SETBP1: variants seen among roughly 807,000 people sequenced by gnomAD.
SETBP1 encodes SET-binding protein.
In SETBP1, 9 loss-of-function variants were observed where a neutral mutation model predicts 101.0. That is an observed-to-expected ratio of 0.09 (90% confidence interval 0.05 to 0.16). The LOEUF is 0.16. SETBP1 is among the 10% of genes least tolerant of loss of function. The pLI is 1.00. For missense variants in SETBP1, 1,858 were observed against 2,033.8 expected, an observed-to-expected ratio of 0.91 and a Z score of 1.66; for synonymous variants, 818 against 788.5, an observed-to-expected ratio of 1.04 and a Z score of -0.63.
chr18:44,886,896 T>C (rs1396293625), intron 3 of SETBP1, among the ~76,000 whole-genome samples: 1 of 152,038 alleles, frequency 6.6e-6, no homozygotes, highest in African/African-American at 2.4e-5. Context: ...GACGAATTCC[T>C]AGCAAAAGGT....
chr18:45,034,396 G>A (rs1056115502), intron 4 of SETBP1, among the ~76,000 whole-genome samples: 1 of 152,124 alleles, frequency 6.6e-6, no homozygotes, highest in Non-Finnish European at 1.5e-5. Context: ...CGAAGGAGCA[G>A]GAATCCATAA....
At chr18:44,940,652 C>T (rs622284) in intron 3 of SETBP1, among the ~76,000 whole-genome samples, 42,728 of 152,086 alleles carry the variant, frequency 0.28, 6,215 homozygotes, top group Middle Eastern at 0.34. Flanking sequence ...TCTATATGTA[C>T]GCTCTTATTC....
chr18:44,946,032 C>T (rs1291139204), intron 3 of SETBP1, among the ~76,000 whole-genome samples: 1 of 152,234 alleles, frequency 6.6e-6, no homozygotes, highest in East Asian at 1.9e-4. Flanking sequence ...TCATGGCTGA[C>T]AGATGAAGCG....
At chr18:44,978,629 C>G (rs930661456) in intron 4 of SETBP1, among the ~76,000 whole-genome samples, 2 of 152,304 alleles carry the variant, frequency 1.3e-5, no homozygotes, top group Non-Finnish European at 2.9e-5. Flanking sequence ...AATGAGGGCT[C>G]TTACTGAATG....
rs1233895904 is a variant in SETBP1, at chr18:45,063,548, C to T, written c.4641C>T (p.Thr1547=). The T allele has an allele frequency of 1.4e-6, 2 of 1,471,194 alleles. No individual in the cohort carries two copies. The highest frequency in any genetic ancestry group is 1.3e-5 in the South Asian group (1 of 77,916). The allele number at this position is 1,471,194 out of a possible 1,614,324, so 91.1% of individuals were successfully genotyped here. ...PLPPPPPLPK[T]PRGGKRKHKP... ...CCCCGCCACCCCCTCTACCCAAGAC[C>T]CCCCGAGGCGGAAAGAGGAAACACA... Residue 1547 remains threonine (T), a synonymous_variant, in exon 6 of 6, where the codon ACC becomes ACT. Coordinates refer to ENST00000649279, the MANE Select transcript of SETBP1 (RefSeq NM_015559.3).
intron 2 of SETBP1, among the ~76,000 whole-genome samples, chr18:44,804,525 A>G (rs2071685414): frequency 6.6e-6 from 1 of 152,148 alleles, no homozygotes; most frequent in Admixed American, 6.5e-5. Flanking sequence ...CTTATTTTGC[A>G]AGATTTGGTT....
intron 5 of SETBP1, among the ~76,000 whole-genome samples, chr18:45,039,191 C>T (rs979222210): frequency 1.3e-5 from 2 of 152,166 alleles, no homozygotes; most frequent in African/African-American, 4.8e-5. Context: ...TCGGTACCTT[C>T]TACCCATGAA....
At chr18:44,927,022 T>C (rs1474826043) in intron 3 of SETBP1, among the ~76,000 whole-genome samples, 2 of 152,154 alleles carry the variant, frequency 1.3e-5, no homozygotes, top group African/African-American at 4.8e-5. Flanking sequence ...GAGGGGTAGC[T>C]TGAGATTGGA....
intron 5 of SETBP1, among the ~76,000 whole-genome samples, chr18:45,053,350 GA>G (rs1248886951): frequency 6.6e-6 from 1 of 152,148 alleles, no homozygotes; most frequent in Non-Finnish European, 1.5e-5. Context: ...GAATTCATCT[GA>G]TAGGAAACAC....
chr18:44,789,944 A>G (rs886837118), intron 2 of SETBP1, among the ~76,000 whole-genome samples: 5 of 152,214 alleles, frequency 3.3e-5, no homozygotes, highest in Admixed American at 2.6e-4. Context: ...TCATTGTGTG[A>G]CAAGCTGTGT....
intron 4 of SETBP1, chr18:44,988,724 A>T (rs1051939540): frequency 6.6e-6 from 1 of 152,154 alleles, no homozygotes; most frequent in Non-Finnish European, 1.5e-5. Flanking sequence ...CCTTTCAAAG[A>T]GTGTATTTTA....
At chr18:44,705,518 G>C (rs936823419) in intron 2 of SETBP1, among the ~76,000 whole-genome samples, 1 of 152,186 alleles carries the variant, frequency 6.6e-6, no homozygotes, top group Non-Finnish European at 1.5e-5. Flanking sequence ...GGAATTAGGT[G>C]TTATATTATG....
intron 4 of SETBP1, among the ~76,000 whole-genome samples, chr18:44,989,839 A>G (rs1372976814): frequency 1.6e-5 from 2 of 122,624 alleles, no homozygotes; most frequent in African/African-American, 5.9e-5. Context: ...ACTGCACTCC[A>G]GCCTGGGCGA....
intron 4 of SETBP1, among the ~76,000 whole-genome samples, chr18:44,980,761 A>G (rs1740027295): frequency 6.6e-6 from 1 of 152,146 alleles, no homozygotes; most frequent in African/African-American, 2.4e-5. Context: ...CAGTTTCCAC[A>G]GCTCTAGGTT....
intron 5 of SETBP1, among the ~76,000 whole-genome samples, chr18:45,041,703 T>C (rs984409781): frequency 6.6e-6 from 1 of 152,224 alleles, no homozygotes; most frequent in Non-Finnish European, 1.5e-5. Context: ...GGCTCACACC[T>C]GTCATCCCAG....
intron 2 of SETBP1, among the ~76,000 whole-genome samples, chr18:44,844,952 A>G (rs539602098): frequency 6.6e-6 from 1 of 152,322 alleles, no homozygotes; most frequent in South Asian, 2.1e-4. Flanking sequence ...GCTTGGGGCC[A>G]GGAGAGAGAT....
At chr18:44,918,457 T>C (rs1256140149) in intron 3 of SETBP1, among the ~76,000 whole-genome samples, 1 of 152,148 alleles carries the variant, frequency 6.6e-6, no homozygotes, top group East Asian at 1.9e-4. Context: ...TTAGAAAACA[T>C]GGAATTTATC....
intron 4 of SETBP1, among the ~76,000 whole-genome samples, chr18:44,961,506 C>T (rs2071610786): frequency 6.6e-6 from 1 of 152,102 alleles, no homozygotes; most frequent in Non-Finnish European, 1.5e-5. Flanking sequence ...TAGCAGTGCC[C>T]CAGCTTCTAA....
At chr18:44,967,805 C>G (rs972745558) in intron 4 of SETBP1, among the ~76,000 whole-genome samples, 1 of 152,202 alleles carries the variant, frequency 6.6e-6, no homozygotes, top group Non-Finnish European at 1.5e-5. Context: ...CACACCACAG[C>G]CCCTGGGAAC....
Sources: allele counts gnomAD v4.1 joint callset (sites outside exome capture counted in the v4.1 genomes callset), GRCh38; gene constraint gnomAD v4.1.1; transcripts MANE v1.5; gene names NCBI Gene and HGNC (gene_info 2026-07-23, HGNC 2026-07-21).